Variants in NAV3 observed in about 807,000 individuals in gnomAD.
NAV3 encodes neuron navigator 3.
NAV3 carries 87 observed loss-of-function variants against 244.7 expected under a neutral mutation model. The observed-to-expected ratio is 0.36, with a 90% CI of 0.30 to 0.42. The LOEUF is 0.42. Among genes scored for constraint, NAV3 ranks in the 20% least tolerant of loss-of-function variants. NAV3 has a pLI of 1.00. For synonymous variants in NAV3, 1,126 were observed against 1,042.2 expected, an observed-to-expected ratio of 1.08 and a Z score of -1.55; for missense variants, 2,663 against 2,893.3, an observed-to-expected ratio of 0.92 and a Z score of 1.83.
rs1870970353 is a variant in NAV3, at chr12:77,612,707, C to G, written c.72+40441C>G. Among the ~76,000 whole-genome samples, 3 of 152,060 alleles carry G rather than the reference C, an allele frequency of 2.0e-5. No homozygotes were observed. The South Asian group carries it at 6.2e-4, about 32-fold the overall frequency. On this transcript the variant is annotated intron_variant, in intron 2 of 8. Coordinates refer to the NAV3 transcript ENST00000550042. ...AATTTTCCAGAAGGATTCTCATAAA[C>G]TGTTATTTCTTCTCAATTTTAAAAT...
At chr12:77,664,984 C>G (rs1366047468) in intron 2 of NAV3, among the ~76,000 whole-genome samples, 1 of 152,170 alleles carries the variant, frequency 6.6e-6, no homozygotes, top group Non-Finnish European at 1.5e-5. Flanking sequence ...ATTCCTGCCT[C>G]AGCCTCCCAA....
chr12:78,165,121 A>G (rs1167633606), intron 23 of NAV3, among the ~76,000 whole-genome samples: 1 of 152,050 alleles, frequency 6.6e-6, no homozygotes, highest in African/African-American at 2.4e-5. Context: ...AACATGAGAA[A>G]CTTTCGTGGA....
chr12:78,114,995 T>C (rs1955301307), intron 12 of NAV3, among the ~76,000 whole-genome samples: 1 of 152,210 alleles, frequency 6.6e-6, no homozygotes, highest in Non-Finnish European at 1.5e-5. Context: ...TTCTGATAGT[T>C]ACATTTTAGT....
At chr12:78,007,705 A>G (rs7308225) in intron 8 of NAV3, among the ~76,000 whole-genome samples, 47,027 of 152,092 alleles carry the variant, frequency 0.31, 7,633 homozygotes, top group Admixed American at 0.4. Context: ...ATCAAAAGCC[A>G]GCTAGAAACC....
intron 2 of NAV3, among the ~76,000 whole-genome samples, chr12:77,677,326 C>CT (rs377619887): frequency 6.6e-6 from 1 of 152,090 alleles, no homozygotes; most frequent in African/African-American, 2.4e-5. Flanking sequence ...AAAAAGATAA[C>CT]TTAAATAGAT....
At chr12:77,662,644 C>T (rs1873518366) in intron 2 of NAV3, among the ~76,000 whole-genome samples, 2 of 152,008 alleles carry the variant, frequency 1.3e-5, no homozygotes, top group Admixed American at 1.3e-4. Flanking sequence ...GAGTATTATG[C>T]TTTTCCTAAC....
At chr12:77,718,210 C>T (rs1876449144) in intron 2 of NAV3, among the ~76,000 whole-genome samples, 1 of 152,124 alleles carries the variant, frequency 6.6e-6, no homozygotes, top group Non-Finnish European at 1.5e-5. Flanking sequence ...GGTTTCAGTT[C>T]TATGTTCACA....
chr12:77,846,884 G>T (rs188364938), intron 1 of NAV3, among the ~76,000 whole-genome samples: 2 of 151,790 alleles, frequency 1.3e-5, no homozygotes. Flanking sequence ...ACCAGTGTTG[G>T]CAATGAAAAT....
At chr12:78,038,767 A>C (rs1182036405) in intron 9 of NAV3, among the ~76,000 whole-genome samples, 1 of 152,154 alleles carries the variant, frequency 6.6e-6, no homozygotes, top group African/African-American at 2.4e-5. Context: ...GAAACTGTAG[A>C]ATCAGATAAT....
chr12:77,679,643 C>T (rs1874361111), intron 2 of NAV3, among the ~76,000 whole-genome samples: 1 of 152,142 alleles, frequency 6.6e-6, no homozygotes, highest in South Asian at 2.1e-4. Flanking sequence ...AAAGGGAAGG[C>T]TGGAGATGGG....
intron 2 of NAV3, among the ~76,000 whole-genome samples, chr12:77,587,147 TA>T (rs1243812700): frequency 5.3e-5 from 8 of 152,180 alleles, no homozygotes; most frequent in Non-Finnish European, 8.8e-5. Flanking sequence ...TGTATTATCA[TA>T]AATTATTATC....
chr12:78,125,355 A>G (rs534565031), intron 16 of NAV3, among the ~76,000 whole-genome samples: 83 of 151,412 alleles, frequency 5.5e-4, no homozygotes, highest in African/African-American at 1.9e-3. Context: ...ATTTTTGTTT[A>G]AATTCCTCTT....
At chr12:77,873,708 T>TAC (rs1766983882) in intron 1 of NAV3, among the ~76,000 whole-genome samples, 1 of 123,520 alleles carries the variant, frequency 8.1e-6, no homozygotes, top group African/African-American at 3.1e-5. Context: ...TATATATATA[T>TAC]ACATGATTTG....
chr12:77,892,413 T>C (rs969028851), intron 1 of NAV3, among the ~76,000 whole-genome samples: 3 of 151,828 alleles, frequency 2.0e-5, no homozygotes, highest in Non-Finnish European at 4.4e-5. Flanking sequence ...AATTAGACCA[T>C]TTGAATTTTT....
At chr12:77,683,177 A>T (rs1371084368) in intron 2 of NAV3, among the ~76,000 whole-genome samples, 1 of 151,984 alleles carries the variant, frequency 6.6e-6, no homozygotes, top group African/African-American at 2.4e-5. Context: ...ATCCAGTTTG[A>T]GTTGATATTT....
At chr12:77,993,824 C>T (rs990552707) in intron 5 of NAV3, among the ~76,000 whole-genome samples, 1 of 152,140 alleles carries the variant, frequency 6.6e-6, no homozygotes, top group Non-Finnish European at 1.5e-5. Context: ...GCCTTGAAAA[C>T]TGTGCATGCA....
intron 2 of NAV3, among the ~76,000 whole-genome samples, chr12:77,751,216 A>G (rs1868835544): frequency 6.6e-6 from 1 of 152,220 alleles, no homozygotes; most frequent in Non-Finnish European, 1.5e-5. Flanking sequence ...CTAATGGGTT[A>G]TACTCTTATG....
At chr12:77,957,846 T>C (rs540047918) in intron 3 of NAV3, among the ~76,000 whole-genome samples, 2 of 152,188 alleles carry the variant, frequency 1.3e-5, no homozygotes, top group South Asian at 4.1e-4. Flanking sequence ...TTTGTATTTT[T>C]AGTAGAGACA....
At chr12:77,798,214 A>C (rs961478439) in intron 2 of NAV3, among the ~76,000 whole-genome samples, 38 of 152,068 alleles carry the variant, frequency 2.5e-4, no homozygotes, top group African/African-American at 7.2e-4. Context: ...AAAAAACCCC[A>C]AAAACAAATG....
Sources: gnomAD v4.1 joint callset for allele counts (sites outside exome capture counted in the v4.1 genomes callset) on GRCh38, gnomAD v4.1.1 for gene constraint, MANE v1.5 for transcripts, NCBI Gene and HGNC (gene_info 2026-07-23, HGNC 2026-07-21) for gene names.